Variants in TBC1D22A observed in about 807,000 individuals in gnomAD.
TBC1D22A encodes the protein TBC1 domain family member 22A.
In TBC1D22A, 38 loss-of-function variants were observed where a neutral mutation model predicts 60.2. That is an observed-to-expected ratio of 0.63 (90% confidence interval 0.49 to 0.83). TBC1D22A has a LOEUF of 0.83. Among genes scored for constraint, TBC1D22A ranks in the 40% least tolerant of loss-of-function variants. The pLI, the probability that TBC1D22A is intolerant of heterozygous loss-of-function variation, is 0.00. For synonymous variants in TBC1D22A, 302 were observed against 281.7 expected (o/e 1.07, Z -0.72); for missense variants, 628 against 701.0 (o/e 0.90, Z 1.18).
intron 4 of TBC1D22A, among the ~76,000 whole-genome samples, chr22:46,836,710 A>G (rs1420613520): frequency 2.0e-5 from 3 of 152,148 alleles, no homozygotes; most frequent in Non-Finnish European, 4.4e-5. Context: ...AAAAAACAAG[A>G]TCCAACAATA....
Position 46,793,484 on chromosome 22 carries a change from C to T in TBC1D22A, c.120-17C>T. The T allele has an allele frequency of 1.2e-6, 2 of 1,613,702 alleles. No homozygotes were observed. The highest frequency in any genetic ancestry group is 1.1e-5 in the South Asian group (1 of 91,062). Reference sequence around the variant, plus strand: ...GCCTTCGAGCATGTACGAGTAAAGACTGCCTTTGCATTGCAGTTTGCTCAG... The same window carrying T: ...GCCTTCGAGCATGTACGAGTAAAGATTGCCTTTGCATTGCAGTTTGCTCAG... On this transcript the variant is annotated splice_polypyrimidine_tract_variant and intron_variant, in intron 2 of 12. Coordinates refer to ENST00000337137, the MANE Select transcript of TBC1D22A (RefSeq NM_014346.5).
chr22:47,095,722 G>A (rs2065145645), intron 11 of TBC1D22A, among the ~76,000 whole-genome samples: 1 of 152,234 alleles, frequency 6.6e-6, no homozygotes, highest in Admixed American at 6.5e-5. Context: ...GGCCCCTGAG[G>A]AAACTCATGG....
intron 12 of TBC1D22A, among the ~76,000 whole-genome samples, chr22:47,132,261 C>T (rs2066704099): frequency 6.6e-6 from 1 of 152,196 alleles, no homozygotes; most frequent in Admixed American, 6.5e-5. Context: ...ACCCCATGTT[C>T]CTGAGCCCTC....
intron 11 of TBC1D22A, among the ~76,000 whole-genome samples, chr22:47,110,759 G>A (rs1291254647): frequency 1.3e-5 from 2 of 152,208 alleles, no homozygotes; most frequent in Non-Finnish European, 2.9e-5. Flanking sequence ...TGGAGTTTGG[G>A]GAACCCTCAG....
chr22:46,870,952 A>ACATTCAAACCATAACAAAAGC (rs1456232265), intron 4 of TBC1D22A, among the ~76,000 whole-genome samples: 19 of 152,166 alleles, frequency 1.2e-4, no homozygotes, highest in Non-Finnish European at 2.1e-4. Flanking sequence ...GGGGACAAAA[A>ACATTCAAACCATAACAAAAGC]CATTCAAACC....
chr22:46,776,291 C>T (rs1259930624), intron 1 of TBC1D22A, among the ~76,000 whole-genome samples: 5 of 152,214 alleles, frequency 3.3e-5, no homozygotes, highest in South Asian at 2.1e-4. Context: ...GGGAGCCTGG[C>T]GGGTCGCTGG....
chr22:46,854,702 A>G (rs1472924133), intron 4 of TBC1D22A, among the ~76,000 whole-genome samples: 1 of 152,122 alleles, frequency 6.6e-6, no homozygotes, highest in African/African-American at 2.4e-5. Context: ...CCTGCGATGC[A>G]TTCCAGGTCC....
chr22:46,874,954 A>G (rs1409599102), intron 4 of TBC1D22A, among the ~76,000 whole-genome samples: 1 of 152,080 alleles, frequency 6.6e-6, no homozygotes, highest in Non-Finnish European at 1.5e-5. Flanking sequence ...TTGCTTATAG[A>G]TGCTGGATGT....
chr22:46,793,815 G>C lies in TBC1D22A; in HGVS notation c.434G>C (p.Ser145Thr), dbSNP rs1483432891. 6 of 1,592,768 alleles carry C rather than the reference G, an allele frequency of 3.8e-6. No homozygotes were observed. The highest frequency in any genetic ancestry group is 5.1e-6 in the Non-Finnish European group (6 of 1,170,202). ...SGDLRLVKSV[S>T]ESHTSCPAES... The stretch of plus-strand genomic sequence containing the variant: ...GACCTCCGGCTGGTGAAGTCGGTCA[G>C]TGAGAGCCACACGTCCTGTCCTGCA... The change falls in exon 3 of 13, where the codon AGT (serine) becomes ACT (threonine). Residue 145 changes from serine (S) to threonine (T), a missense_variant. By Grantham distance (58) the Ser-to-Thr change is moderately conservative (BLOSUM62 1). Transcript: ENST00000337137.
intron 6 of TBC1D22A, among the ~76,000 whole-genome samples, 177 bp downstream of exon 6, chr22:46,891,571 A>T (rs2068410215): frequency 6.6e-6 from 1 of 152,216 alleles, no homozygotes; most frequent in Admixed American, 6.5e-5. Context: ...AATAATGGCA[A>T]ATTTCCTCTG....
intron 11 of TBC1D22A, among the ~76,000 whole-genome samples, chr22:47,048,263 G>A (rs1281176733): frequency 2.0e-5 from 3 of 152,126 alleles, no homozygotes; most frequent in Non-Finnish European, 4.4e-5. Flanking sequence ...TCCCCTCAGA[G>A]CACCCCCTTA....
At chr22:46,916,575 A>G (rs2070383342) in intron 8 of TBC1D22A, among the ~76,000 whole-genome samples, 1 of 152,232 alleles carries the variant, frequency 6.6e-6, no homozygotes, top group South Asian at 2.1e-4. Context: ...AACCATACAG[A>G]GACACAAACC....
chr22:46,930,185 C>T (rs2071276056), intron 8 of TBC1D22A, among the ~76,000 whole-genome samples: 1 of 152,166 alleles, frequency 6.6e-6, no homozygotes, highest in Admixed American at 6.5e-5. Context: ...CACTGTCTCC[C>T]CCATCAGACC....
In TBC1D22A at chr22:46,935,199, C is replaced by G. The variant is rs576936442; in HGVS notation, c.1015+23011C>G. On this transcript the variant is annotated intron_variant, in intron 8 of 12. Coordinates refer to ENST00000337137, the MANE Select transcript of TBC1D22A (RefSeq NM_014346.5). The stretch of plus-strand genomic sequence containing the variant: ...AAGTAATATTACCTCTGATGTCAGC[C>G]AAGCAGAGTAGAGTCCAACATTAGC... Among the ~76,000 whole-genome samples the G allele has an allele frequency of 2.8e-4, 43 of 152,272 alleles. 1 individual carries two copies. Among genetic ancestry groups the G allele is most frequent in the African/African-American group, 9.9e-4 (41 of 41,560 alleles).
intron 8 of TBC1D22A, chr22:46,913,538 C>T (rs2070119765): frequency 8.1e-7 from 1 of 1,238,090 alleles, no homozygotes. Context: ...ATGAGAGCTG[C>T]CTCGGCTCAC....
intron 12 of TBC1D22A, chr22:47,116,799 G>T (rs891042552): frequency 6.6e-6 from 1 of 152,662 alleles, no homozygotes; most frequent in Non-Finnish European, 1.5e-5. Context: ...ACACACAGGT[G>T]TGTGCAGTGC....
intron 12 of TBC1D22A, among the ~76,000 whole-genome samples, chr22:47,112,408 T>C (rs1215252032): frequency 6.6e-6 from 1 of 152,150 alleles, no homozygotes; most frequent in Non-Finnish European, 1.5e-5. Flanking sequence ...CGCTCTCCCT[T>C]CTCGAGGCTC....
intron 11 of TBC1D22A, among the ~76,000 whole-genome samples, chr22:47,059,492 CTAAATTGGGAGCGTG>C (rs1328200882): frequency 6.6e-6 from 1 of 152,208 alleles, no homozygotes; most frequent in African/African-American, 2.4e-5. Flanking sequence ...CTCCTGAGCA[CTAAATTGGGAGCGTG>C]TATGTGTGTT....
intron 4 of TBC1D22A, among the ~76,000 whole-genome samples, chr22:46,807,491 G>A (rs777431347): frequency 4.6e-5 from 7 of 152,152 alleles, no homozygotes; most frequent in Non-Finnish European, 8.8e-5. Flanking sequence ...ACATGCATGC[G>A]TCTGTGTGAC....
Sources: allele counts gnomAD v4.1 joint callset (sites outside exome capture counted in the v4.1 genomes callset), GRCh38; gene constraint gnomAD v4.1.1; transcripts MANE v1.5; gene names NCBI Gene and HGNC (gene_info 2026-07-23, HGNC 2026-07-21).